Variants in PDE11A observed in about 807,000 individuals in gnomAD.
PDE11A encodes the protein dual 3',5'-cyclic-AMP and -GMP phosphodiesterase 11A.
Under a neutral mutation model 100.5 loss-of-function variants are expected in PDE11A, and 100 were observed. The ratio of observed to expected loss-of-function variants is 1.00; its 90% CI spans 0.85 to 1.18. The LOEUF (loss-of-function observed/expected upper bound fraction) is 1.18. Ranked by LOEUF, PDE11A falls within the 50% of genes most tolerant of loss-of-function variation. The pLI is 0.00. For synonymous variants in PDE11A, 381 were observed against 420.8 expected (o/e 0.91, Z 1.16); for missense variants, 1,141 against 1,152.6 (o/e 0.99, Z 0.15).
intron 2 of PDE11A, among the ~76,000 whole-genome samples, chr2:178,004,145 A>C (rs1282665984): frequency 6.6e-6 from 1 of 152,096 alleles, no homozygotes; most frequent in Non-Finnish European, 1.5e-5. Context: ...AAATAAACCA[A>C]GAATTTAACA....
chr2:177,872,908 A>G (rs2084164194), intron 5 of PDE11A, among the ~76,000 whole-genome samples: 2 of 152,356 alleles, frequency 1.3e-5, no homozygotes, highest in South Asian at 4.1e-4. Context: ...CTGGACAATG[A>G]TGGAAAGGTC....
At chr2:177,746,633 C>A (rs558812621) in intron 10 of PDE11A, among the ~76,000 whole-genome samples, 6 of 152,168 alleles carry the variant, frequency 3.9e-5, no homozygotes, top group Non-Finnish European at 7.3e-5. Flanking sequence ...AACTTGGAAG[C>A]TAAAAGATAA....
At chr2:177,912,580 G>A (rs1044942523) in intron 2 of PDE11A, among the ~76,000 whole-genome samples, 10 of 152,116 alleles carry the variant, frequency 6.6e-5, no homozygotes, top group African/African-American at 2.4e-4. Flanking sequence ...TCTGGGGGCA[G>A]TTTTTAATTC....
chr2:177,726,338 A>C (rs948681850), intron 12 of PDE11A, among the ~76,000 whole-genome samples: 38 of 152,128 alleles, frequency 2.5e-4, no homozygotes, highest in African/African-American at 9.2e-4. Context: ...TTCAACATAC[A>C]TTTTTTGAAA....
At chr2:177,669,347 T>G (rs1399652623) in intron 18 of PDE11A, 146 bp downstream of exon 18, 1 of 612,218 alleles carries the variant, frequency 1.6e-6, no homozygotes, top group Non-Finnish European at 2.9e-6. Context: ...GTGTTTAGCA[T>G]TTGAGTTTAA....
At chr2:178,051,514 C>T (rs1428398031) in intron 1 of PDE11A, among the ~76,000 whole-genome samples, 1 of 151,978 alleles carries the variant, frequency 6.6e-6, no homozygotes, top group African/African-American at 2.4e-5. Context: ...CAATATTAAC[C>T]TTAAATGTAA....
At chr2:177,918,053 C>A (rs1321631568) in intron 2 of PDE11A, among the ~76,000 whole-genome samples, 1 of 152,156 alleles carries the variant, frequency 6.6e-6, no homozygotes, top group Non-Finnish European at 1.5e-5. Context: ...AAATTCAGGG[C>A]ATTCTTAATG....
At chr2:177,863,240 A>G (rs930634867) in intron 5 of PDE11A, among the ~76,000 whole-genome samples, 2 of 152,022 alleles carry the variant, frequency 1.3e-5, no homozygotes, top group African/African-American at 4.8e-5. Flanking sequence ...AGAGGATAAC[A>G]TAGGGAGAAA....
chr2:177,997,897 T>C, intron 2 of PDE11A: 1 of 1,365,376 alleles, frequency 7.3e-7, no homozygotes, highest in Admixed American at 1.7e-5. Context: ...TGAACTCATC[T>C]CCACCAACAA....
chr2:177,867,341 A>G (rs1445695102), intron 5 of PDE11A, among the ~76,000 whole-genome samples: 1 of 152,230 alleles, frequency 6.6e-6, no homozygotes, highest in East Asian at 1.9e-4. Flanking sequence ...CTTCTGGTGC[A>G]TAGAGGTGCT....
intron 5 of PDE11A, among the ~76,000 whole-genome samples, chr2:177,859,703 G>T (rs2083911282): frequency 6.6e-6 from 1 of 151,658 alleles, no homozygotes; most frequent in Admixed American, 6.6e-5. Context: ...CCCTAGGATA[G>T]CCCATACTTT....
At chr2:177,664,565 T>C (rs1201109562) in intron 18 of PDE11A, among the ~76,000 whole-genome samples, 1 of 152,168 alleles carries the variant, frequency 6.6e-6, no homozygotes, top group Non-Finnish European at 1.5e-5. Context: ...TGATATAATG[T>C]TTGAGATAAT....
At chr2:177,658,907 C>A (rs2080432212) in intron 19 of PDE11A, among the ~76,000 whole-genome samples, 1 of 151,632 alleles carries the variant, frequency 6.6e-6, no homozygotes, top group African/African-American at 2.4e-5. Context: ...TCCCTTTTTT[C>A]CAGAGAACCT....
At chr2:178,060,723 T>C (rs2086958006) in intron 1 of PDE11A, among the ~76,000 whole-genome samples, 1 of 152,212 alleles carries the variant, frequency 6.6e-6, no homozygotes, top group Non-Finnish European at 1.5e-5. Context: ...GTTCACTTAA[T>C]AGTATTCTCT....
intron 6 of PDE11A, 97 bp downstream of exon 6, chr2:177,840,154 A>G (rs968178096): frequency 1.1e-5 from 14 of 1,292,014 alleles, no homozygotes; most frequent in Non-Finnish European, 1.2e-5. Context: ...GGAAGGATGC[A>G]AAAGAATTGC....
At position 178,014,354 on chromosome 2, in the gene PDE11A, T is replaced by C. The variant is rs1276060984; in HGVS notation, c.1019A>G (p.Gln340Arg). 7 of 1,613,050 alleles carry C rather than the reference T, an allele frequency of 4.3e-6. No homozygotes were observed. The highest frequency in any genetic ancestry group is 1.7e-6 in the Non-Finnish European group (2 of 1,179,146). The change falls in exon 2 of 20, where the codon CAA becomes CGA. Residue 340 changes from glutamine (Q) to arginine (R), a missense_variant. By Grantham distance (43) the Gln-to-Arg change is conservative. Transcript: ENST00000286063. ...SSDGEIIGVA[Q>R]AINKIPEGAP... ...TCCTTCAGGAATCTTATTTATCGCTTGGGCCACACCAATAATCTCACCATC... is the reference window on the plus strand; with the variant it reads ...TCCTTCAGGAATCTTATTTATCGCTCGGGCCACACCAATAATCTCACCATC...
chr2:177,846,006 C>T (rs976772509), intron 5 of PDE11A, among the ~76,000 whole-genome samples: 11 of 143,776 alleles, frequency 7.7e-5, no homozygotes, highest in East Asian at 2.3e-4. Flanking sequence ...AGAGGGAGAC[C>T]GTGGAAAGAG....
intron 1 of PDE11A, among the ~76,000 whole-genome samples, chr2:178,045,730 T>A (rs941041363): frequency 9.9e-5 from 15 of 152,248 alleles, no homozygotes; most frequent in African/African-American, 3.6e-4. Context: ...TCCTGAGGCA[T>A]CTTGTTCCAA....
upstream of PDE11A, among the ~76,000 whole-genome samples, chr2:178,077,520 G>C (rs568405109): frequency 6.6e-6 from 1 of 151,982 alleles, no homozygotes; most frequent in South Asian, 2.1e-4. Context: ...CTTAATTCAA[G>C]CCTTCATTAT....
Sources: gnomAD v4.1 joint callset for allele counts (sites outside exome capture counted in the v4.1 genomes callset) on GRCh38, gnomAD v4.1.1 for gene constraint, MANE v1.5 for transcripts, NCBI Gene and HGNC (gene_info 2026-07-23, HGNC 2026-07-21) for gene names.